RGS7: variants seen among roughly 807,000 people sequenced by gnomAD.
RGS7 encodes regulator of G-protein signaling 7.
In RGS7, 27 loss-of-function variants were observed where a neutral mutation model predicts 81.1. That is an observed-to-expected ratio of 0.33 (90% CI 0.25 to 0.46). The LOEUF (loss-of-function observed/expected upper bound fraction) is 0.46. Ranked by LOEUF, RGS7 falls within the 20% of genes least tolerant of loss-of-function variation. The pLI is 1.00. For synonymous variants in RGS7, 208 were observed against 207.7 expected (o/e 1.00, Z -0.01); for missense variants, 396 against 607.4 (o/e 0.65, Z 3.66).
chr1:240,806,163 G>A lies in RGS7; in HGVS notation c.1246C>T (p.Arg416Ter), dbSNP rs1249578912. The change falls in exon 15 of 19, where the codon CGA becomes TGA. Residue 416 changes from arginine to a stop codon, truncating the protein, a stop_gained. Transcript: ENST00000440928. LOFTEE classifies it high-confidence loss of function. The stretch of plus-strand genomic sequence containing the variant: ...ACCTGAGCATCTTCAAATGTGTATC[G>A]TCCAGGTTCCTTCACGTTCTGTGTG... ...KTTQNVKEPG[R>*]YTFEDAQEHI... 2.5e-6 allele frequency: 4 copies of A among 1,613,774 alleles called. No individual in the cohort carries two copies. Among genetic ancestry groups the A allele is most frequent in the Non-Finnish European group, 3.4e-6 (4 of 1,179,908 alleles).
At chr1:241,096,144 G>C (rs901038918) in intron 3 of RGS7, among the ~76,000 whole-genome samples, 1 of 152,104 alleles carries the variant, frequency 6.6e-6, no homozygotes, top group Non-Finnish European at 1.5e-5. Context: ...TAAAGTCAGC[G>C]GATTCCTTGT....
In RGS7 at chr1:240,983,211, G is replaced by A. The variant is rs976531144; in HGVS notation, c.176-82C>T. 4.2e-5 allele frequency: 31 copies of A among 731,256 alleles called. No individual in the cohort carries two copies. In the South Asian group the frequency reaches 5.7e-4, roughly 14 times the overall value. The allele number at this position is 731,256 out of a possible 1,614,324, so 45.3% of individuals were successfully genotyped here. A position where few individuals can be genotyped will look rare whatever the true frequency, so the allele number is the denominator to read the frequency against. Reference sequence around the variant, plus strand: ...TAACTTTAAGAATTCTCCACCTTTGGTGCTCATATTAGAAGGAACTTTTCT... The same window carrying A: ...TAACTTTAAGAATTCTCCACCTTTGATGCTCATATTAGAAGGAACTTTTCT... On this transcript the variant is annotated intron_variant, in intron 3 of 18. Transcript: ENST00000440928.
At chr1:240,878,426 A>G (rs1665804985) in intron 6 of RGS7, among the ~76,000 whole-genome samples, 1 of 151,964 alleles carries the variant, frequency 6.6e-6, no homozygotes, top group Admixed American at 6.6e-5. Context: ...TGGGGAGTGA[A>G]AACATTTGCC....
intron 14 of RGS7, among the ~76,000 whole-genome samples, chr1:240,807,268 A>T (rs1267094049): frequency 6.6e-6 from 1 of 152,234 alleles, no homozygotes; most frequent in Non-Finnish European, 1.5e-5. Context: ...AATGTTTAAA[A>T]GATAAATGAG....
chr1:240,934,510 T>C (rs527282101), intron 5 of RGS7, among the ~76,000 whole-genome samples: 11 of 152,328 alleles, frequency 7.2e-5, no homozygotes, highest in South Asian at 4.1e-4. Flanking sequence ...GTAGACATTA[T>C]AGTAGAAATT....
intron 2 of RGS7, among the ~76,000 whole-genome samples, chr1:241,237,491 GTAT>G (rs2076042731): frequency 6.6e-6 from 1 of 151,920 alleles, no homozygotes. Flanking sequence ...AGAGGAGCAC[GTAT>G]ATTAACAAGC....
chr1:240,977,866 G>C (rs940642135), intron 4 of RGS7, among the ~76,000 whole-genome samples: 5 of 152,208 alleles, frequency 3.3e-5, no homozygotes, highest in African/African-American at 4.8e-5. Flanking sequence ...CCGCAGTGGA[G>C]GGCAAACACC....
At chr1:241,045,161 T>A (rs1318365965) in intron 3 of RGS7, among the ~76,000 whole-genome samples, 3 of 152,198 alleles carry the variant, frequency 2.0e-5, no homozygotes, top group Non-Finnish European at 4.4e-5. Context: ...ACCTTAAATT[T>A]TATTAAATTC....
intron 2 of RGS7, among the ~76,000 whole-genome samples, chr1:241,292,194 T>C (rs1297542342): frequency 6.6e-6 from 1 of 152,196 alleles, no homozygotes; most frequent in Non-Finnish European, 1.5e-5. Context: ...GACGCTGTTT[T>C]ATAACTAACT....
chr1:241,118,137 CCTT>C (rs2065998960), intron 2 of RGS7, among the ~76,000 whole-genome samples: 1 of 152,130 alleles, frequency 6.6e-6, no homozygotes, highest in Admixed American at 6.6e-5. Flanking sequence ...GATTTTACAA[CCTT>C]CTTAAATGTT....
intron 3 of RGS7, among the ~76,000 whole-genome samples, chr1:240,993,035 AAAAG>A (rs1435168602): frequency 1.2e-4 from 17 of 142,674 alleles, no homozygotes; most frequent in East Asian, 4.7e-4. Flanking sequence ...ATGAAATTTA[AAAAG>A]AAAGAAAGAG....
rs2068433865 is a variant in RGS7 at position 241,147,783 on chromosome 1, TA to T, written c.79-49022del. 1.8e-4 allele frequency among the ~76,000 whole-genome samples: 16 copies of T among 90,532 alleles called. 1 individual carries two copies. The highest frequency in any genetic ancestry group is 7.3e-4 in the African/African-American group (13 of 17,724). 59.4% of individuals were successfully genotyped at this position (90,532 alleles called of 152,430 possible). The stretch of plus-strand genomic sequence containing the variant: ...AATATCCCATCTAGATTAAGTTTTA[TA>T]TATATATATATATATATATATATAT... On this transcript the variant is annotated intron_variant, in intron 2 of 18. Coordinates refer to ENST00000440928, the MANE Select transcript of RGS7 (RefSeq NM_001364886.1).
chr1:241,258,541 A>C (rs912941939), intron 2 of RGS7, among the ~76,000 whole-genome samples: 1 of 152,212 alleles, frequency 6.6e-6, no homozygotes, highest in Non-Finnish European at 1.5e-5. Context: ...GAACAGAATT[A>C]AGTAGATAAA....
intron 6 of RGS7, among the ~76,000 whole-genome samples, chr1:240,875,448 G>T (rs930927244): frequency 2.0e-5 from 3 of 152,152 alleles, no homozygotes; most frequent in Non-Finnish European, 2.9e-5. Flanking sequence ...GGACACTTAG[G>T]TTGATTCTGT....
intron 4 of RGS7, among the ~76,000 whole-genome samples, chr1:240,958,888 T>C (rs1680885327): frequency 6.6e-6 from 1 of 152,226 alleles, no homozygotes; most frequent in African/African-American, 2.4e-5. Context: ...TGATATCTTT[T>C]ACTGTAGCTA....
chr1:241,035,369 A>T (rs947057642), intron 3 of RGS7, among the ~76,000 whole-genome samples: 5 of 151,768 alleles, frequency 3.3e-5, no homozygotes, highest in South Asian at 2.1e-4. Context: ...GTAAAAAAAA[A>T]ATATAGTACT....
At chr1:241,025,477 A>G (rs1036990075) in intron 3 of RGS7, among the ~76,000 whole-genome samples, 5 of 152,216 alleles carry the variant, frequency 3.3e-5, no homozygotes, top group African/African-American at 4.8e-5. Flanking sequence ...AGAGCTGAGA[A>G]GCTGAGATCT....
intron 6 of RGS7, among the ~76,000 whole-genome samples, chr1:240,924,434 A>G (rs1674087598): frequency 6.6e-6 from 1 of 152,180 alleles, no homozygotes; most frequent in African/African-American, 2.4e-5. Flanking sequence ...GGCATAAATC[A>G]TCACCCTACA....
In RGS7 at chr1:240,826,849, T is replaced by C. The variant is rs1016259361; in HGVS notation, c.684+249A>G. The stretch of plus-strand genomic sequence containing the variant: ...ATGCCCTTCTCTCATCAGTATCAGG[T>C]TTTCTAAAGATGATTTCCTTAGAAA... On this transcript the variant is annotated intron_variant, in intron 10 of 18. Transcript: ENST00000440928. Among the ~76,000 whole-genome samples, 7 of 151,808 alleles carry C rather than the reference T, an allele frequency of 4.6e-5. No homozygotes were observed. The East Asian group carries it at 1.4e-3, about 29-fold the overall frequency.
Sources: gnomAD v4.1 joint callset for allele counts (sites outside exome capture counted in the v4.1 genomes callset) on GRCh38, gnomAD v4.1.1 for gene constraint, MANE v1.5 for transcripts, NCBI Gene and HGNC (gene_info 2026-07-23, HGNC 2026-07-21) for gene names.